Variants in RBFOX1 observed in about 807,000 individuals in gnomAD.
RBFOX1 encodes RNA binding protein fox-1 homolog 1.
In RBFOX1, 8 loss-of-function variants were observed where a neutral mutation model predicts 57.7. The observed-to-expected ratio is 0.14, with a 90% CI of 0.08 to 0.25. RBFOX1 has a LOEUF of 0.25. RBFOX1 is among the 10% of genes least tolerant of loss of function. The pLI is 1.00. For synonymous variants in RBFOX1, 326 were observed against 222.4 expected, an observed-to-expected ratio of 1.47 and a Z score of -4.15; for missense variants, 611 against 548.5, an observed-to-expected ratio of 1.11 and a Z score of -1.14.
At chr16:7,578,736 G>A (rs375321682) in intron 5 of RBFOX1, among the ~76,000 whole-genome samples, 1 of 151,930 alleles carries the variant, frequency 6.6e-6, no homozygotes, top group African/African-American at 2.4e-5. Context: ...ATCTGATGTG[G>A]ATGGCATTTA....
At chr16:7,423,103 GAGAGAGAGAGA>G (rs1428921017) in intron 4 of RBFOX1, 7 of 138,168 alleles carry the variant, frequency 5.1e-5, no homozygotes, top group Admixed American at 1.7e-4. Context: ...AAGAGAGAGA[GAGAGAGAGAGA>G]GAGAGAGAGA....
chr16:7,035,517 A>G (rs536541914), intron 3 of RBFOX1, among the ~76,000 whole-genome samples: 30 of 152,334 alleles, frequency 2.0e-4, no homozygotes, highest in African/African-American at 6.3e-4. Context: ...TTTAATTGCA[A>G]TATTTTCCCA....
intron 1 of RBFOX1, among the ~76,000 whole-genome samples, chr16:6,219,688 A>G (rs1311551305): frequency 6.6e-6 from 1 of 152,172 alleles, no homozygotes; most frequent in Non-Finnish European, 1.5e-5. Context: ...CAGCCTGACC[A>G]ACATGGTGAA....
At chr16:6,641,392 T>G (rs1029994063) in intron 2 of RBFOX1, among the ~76,000 whole-genome samples, 1 of 152,098 alleles carries the variant, frequency 6.6e-6, no homozygotes, top group Non-Finnish European at 1.5e-5. Context: ...AAGGGAGCAT[T>G]GCTGTTTTGT....
intron 3 of RBFOX1, among the ~76,000 whole-genome samples, chr16:6,850,709 G>T (rs1055402378): frequency 1.3e-5 from 2 of 152,022 alleles, no homozygotes; most frequent in African/African-American, 4.8e-5. Flanking sequence ...AAATCAATTT[G>T]TTGGCTAAAA....
chr16:5,872,360 A>T (rs2057494659), intron 4 of RBFOX1, among the ~76,000 whole-genome samples: 1 of 152,242 alleles, frequency 6.6e-6, no homozygotes, highest in Non-Finnish European at 1.5e-5. Context: ...TTAACTGCTA[A>T]GCAAGTCTTT....
chr16:5,665,908 C>T (rs116058553), intron 3 of RBFOX1, among the ~76,000 whole-genome samples: 62 of 152,330 alleles, frequency 4.1e-4, no homozygotes, highest in African/African-American at 1.5e-3. Context: ...GAGGCATCTG[C>T]TGAAAGCTGT....
intron 15 of RBFOX1, chr16:7,710,109 C>A: frequency 9.9e-7 from 1 of 1,005,048 alleles, no homozygotes; most frequent in African/African-American, 1.7e-5. Flanking sequence ...TTAATTACAT[C>A]AAGCAATTCA....
intron 1 of RBFOX1, among the ~76,000 whole-genome samples, chr16:5,276,141 A>C (rs755423589): frequency 6.6e-6 from 1 of 152,246 alleles, no homozygotes; most frequent in Non-Finnish European, 1.5e-5. Context: ...GTTCATAACC[A>C]AGAACCCAAA....
intron 1 of RBFOX1, among the ~76,000 whole-genome samples, chr16:6,167,742 C>G (rs1051488995): frequency 3.9e-5 from 6 of 152,134 alleles, no homozygotes; most frequent in Admixed American, 2.6e-4. Flanking sequence ...CCTCATCATT[C>G]TTGGATGTGG....
chr16:6,796,843 A>T (rs2084178162), intron 3 of RBFOX1, among the ~76,000 whole-genome samples: 2 of 152,310 alleles, frequency 1.3e-5, no homozygotes, highest in African/African-American at 4.8e-5. Context: ...TGGGAATGAT[A>T]GAAGACAATA....
At chr16:5,720,846 A>G (rs2051904081) in intron 3 of RBFOX1, among the ~76,000 whole-genome samples, 1 of 152,176 alleles carries the variant, frequency 6.6e-6, no homozygotes, top group Non-Finnish European at 1.5e-5. Flanking sequence ...TTGTAGAAAT[A>G]TTTTAAATTG....
chr16:7,462,362 G>A (rs937949062), intron 4 of RBFOX1, among the ~76,000 whole-genome samples: 1 of 152,188 alleles, frequency 6.6e-6, no homozygotes, highest in African/African-American at 2.4e-5. Context: ...TGGTATGATG[G>A]TGGGCTCCTT....
chr16:6,483,331 T>G, intron 2 of RBFOX1: 2 of 1,469,246 alleles, frequency 1.4e-6, no homozygotes, highest in Non-Finnish European at 9.0e-7. Flanking sequence ...GTTCTGCACC[T>G]GCTGGCGGTC....
chr16:6,497,597 C>G (rs941641120), intron 2 of RBFOX1, among the ~76,000 whole-genome samples: 1 of 151,692 alleles, frequency 6.6e-6, no homozygotes, highest in Non-Finnish European at 1.5e-5. Context: ...GCTCTTGTCA[C>G]CCAGGCTGGA....
chr16:5,783,992 TACCTG>T (rs2054411778), intron 3 of RBFOX1, among the ~76,000 whole-genome samples: 1 of 152,198 alleles, frequency 6.6e-6, no homozygotes, highest in African/African-American at 2.4e-5. Context: ...TGTAAAAACT[TACCTG>T]AGACTGGGTA....
chr16:6,546,910 C>T (rs1393890616), intron 2 of RBFOX1, among the ~76,000 whole-genome samples: 2 of 152,156 alleles, frequency 1.3e-5, no homozygotes, highest in African/African-American at 2.4e-5. Context: ...GTGGACCACA[C>T]AGTTTTCAAA....
At chr16:5,984,244 G>A (rs949236344) in intron 4 of RBFOX1, among the ~76,000 whole-genome samples, 3 of 140,456 alleles carry the variant, frequency 2.1e-5, no homozygotes, top group Admixed American at 7.5e-5. Context: ...GGAACCAGGA[G>A]CAATAAAAGT....
intron 3 of RBFOX1, among the ~76,000 whole-genome samples, chr16:6,839,771 G>C (rs991797333): frequency 6.6e-6 from 1 of 152,152 alleles, no homozygotes; most frequent in African/African-American, 2.4e-5. Flanking sequence ...GAAACATTTG[G>C]ATGTAGAAAG....
Sources: allele counts gnomAD v4.1 joint callset (sites outside exome capture counted in the v4.1 genomes callset), GRCh38; gene constraint gnomAD v4.1.1; transcripts MANE v1.5; gene names NCBI Gene and HGNC (gene_info 2026-07-23, HGNC 2026-07-21).